Variants in GNAS observed in about 807,000 individuals in gnomAD.
GNAS encodes the protein protein ALEX.
In GNAS, 8 loss-of-function variants were observed where a neutral mutation model predicts 54.5. The observed-to-expected ratio is 0.15, with a 90% CI of 0.09 to 0.26. The LOEUF is 0.26. Among genes scored for constraint, GNAS ranks in the 10% least tolerant of loss-of-function variants. The pLI is 1.00. For missense variants in GNAS, 170 were observed against 529.8 expected, an observed-to-expected ratio of 0.32 and a Z score of 6.67; for synonymous variants, 204 against 191.4, an observed-to-expected ratio of 1.07 and a Z score of -0.54.
upstream of GNAS, among the ~76,000 whole-genome samples, chr20:58,887,334 T>A (rs1437339431): frequency 1.3e-5 from 2 of 152,194 alleles, no homozygotes; most frequent in Non-Finnish European, 1.5e-5. Flanking sequence ...CTCTTACAAG[T>A]CTTTAACAAT....
At chr20:58,892,757 G>C (rs1275045022) in intron 1 of GNAS, among the ~76,000 whole-genome samples, 1 of 151,780 alleles carries the variant, frequency 6.6e-6, no homozygotes, top group Admixed American at 6.6e-5. Flanking sequence ...GAGTTAGTAC[G>C]AGAAGTGCCC....
chr20:58,859,709 C>G (rs1354587312), intron 1 of GNAS, among the ~76,000 whole-genome samples: 1 of 151,804 alleles, frequency 6.6e-6, no homozygotes. Flanking sequence ...TCACTACAAC[C>G]TCTGCCTCCT....
intron 1 of GNAS, among the ~76,000 whole-genome samples, chr20:58,868,153 TG>T (rs2087179211): frequency 6.6e-6 from 1 of 152,024 alleles, no homozygotes; most frequent in African/African-American, 2.4e-5. Flanking sequence ...CCTGAGTAGC[TG>T]GTACTACAGG....
chr20:58,862,910 C>T (rs2086851926), intron 1 of GNAS, among the ~76,000 whole-genome samples: 1 of 149,850 alleles, frequency 6.7e-6, no homozygotes, highest in Non-Finnish European at 1.5e-5. Context: ...AACTCAATAC[C>T]GAGGCTGAGC....
rs60022134 is a variant in GNAS, at chr20:58,902,725, CTTTTTTTTTTTTTTT to C, written c.258-792_258-778del. Among the ~76,000 whole-genome samples the C allele has an allele frequency of 2.4e-4, 17 of 69,510 alleles. No individual in the cohort carries two copies. The South Asian group carries it at 0.011, about 44-fold the overall frequency. 45.6% of individuals were successfully genotyped at this position (69,510 alleles called of 152,430 possible). On this transcript the variant is annotated intron_variant, in intron 3 of 12. Transcript: ENST00000371085. The stretch of plus-strand genomic sequence containing the variant: ...AGTGCCTGGAGCATCGCACATACGA[CTTTTTTTTTTTTTTT>C]TTTTTTTTTTTTTGACAGAGTCTCA...
At position 58,900,043 on chromosome 20, in the gene GNAS, T is replaced by G; in HGVS notation, c.257+1058T>G. 4.4e-6 allele frequency: 3 copies of G among 681,862 alleles called. 1 individual carries two copies. In the South Asian group the frequency reaches 4.6e-5, roughly 10 times the overall value. 42.2% of individuals were successfully genotyped at this position (681,862 alleles called of 1,614,324 possible). ...CTGGAATTGCTCGGTCTTAGGAACT[T>G]CTAATAAGAATACTATTCTGTTATC... On this transcript the variant is annotated intron_variant, in intron 3 of 12. Transcript: ENST00000371085.
chr20:58,866,224 A>C (rs140126044), intron 1 of GNAS, among the ~76,000 whole-genome samples: 179 of 152,318 alleles, frequency 1.2e-3, no homozygotes, highest in Middle Eastern at 6.8e-3. Flanking sequence ...AGCCTACTGC[A>C]TGGAGGTGAC....
chr20:58,907,808 C>T (rs962998149), intron 6 of GNAS, among the ~76,000 whole-genome samples: 2 of 152,260 alleles, frequency 1.3e-5, no homozygotes, highest in African/African-American at 4.8e-5. Flanking sequence ...TCTGCCGTGG[C>T]CGGCACGTTT....
At chr20:58,892,218 T>A in intron 1 of GNAS, 1 of 966,980 alleles carries the variant, frequency 1.0e-6, no homozygotes, top group Non-Finnish European at 1.2e-6. Context: ...GGGTGCGTGT[T>A]GGGGAGGGGG....
At chr20:58,861,659 A>T (rs2086787847) in intron 1 of GNAS, among the ~76,000 whole-genome samples, 1 of 152,212 alleles carries the variant, frequency 6.6e-6, no homozygotes, top group South Asian at 2.1e-4. Flanking sequence ...AATTGGGGGA[A>T]AGAAGCCCCT....
chr20:58,840,441 A>C (rs2085673823), upstream of GNAS: 3 of 1,613,378 alleles, frequency 1.9e-6, no homozygotes, highest in African/African-American at 4.0e-5. The surrounding 1 kb of genome is among the most constrained non-coding windows in gnomAD (Gnocchi z 6.0). Flanking sequence ...TACGAGACCG[A>C]GAGCGAGACC....
At chr20:58,844,474 G>C (rs1023516942) in intron 1 of GNAS, among the ~76,000 whole-genome samples, 1 of 152,172 alleles carries the variant, frequency 6.6e-6, no homozygotes, top group Admixed American at 6.5e-5. Flanking sequence ...TGGAGCAGTG[G>C]GATCTAAGAC....
At chr20:58,862,073 T>C (rs140145316) in intron 1 of GNAS, among the ~76,000 whole-genome samples, 1 of 152,018 alleles carries the variant, frequency 6.6e-6, no homozygotes, top group East Asian at 1.9e-4. Context: ...AAATCTGGAG[T>C]CTTTTTTAAA....
At position 58,873,228 on chromosome 20, in the gene GNAS, T is replaced by C. The variant is rs900628790; in HGVS notation, c.44-22384T>C. 4.6e-5 allele frequency among the ~76,000 whole-genome samples: 7 copies of C among 152,148 alleles called. No homozygotes were observed. The highest frequency in any genetic ancestry group is 1.4e-4 in the African/African-American group (6 of 41,438). ...AAATATGTTTATAAAATGGGCCTTCTGTGACATTTTGGAATTGTCAGGGAG... is the reference window on the plus strand; with the variant it reads ...AAATATGTTTATAAAATGGGCCTTCCGTGACATTTTGGAATTGTCAGGGAG... On this transcript the variant is annotated intron_variant, in intron 1 of 12. Transcript: ENST00000306090. This position sits in a 1 kb window ranked among gnomAD's most constrained non-coding sequence, Gnocchi z 4.3.
rs560334164 is a variant in GNAS at position 58,859,681 on chromosome 20, C to T, written c.43+18795C>T. On this transcript the variant is annotated intron_variant, in intron 1 of 12. Transcript: ENST00000306090. ...TCGCTCTATCGCCCAGGCTGGAGTG[C>T]GATGGTGTGATTTTGGCTCACTACA... Among the ~76,000 whole-genome samples the T allele has an allele frequency of 4.0e-5, 6 of 149,554 alleles. No homozygotes were observed. The South Asian group carries it at 8.5e-4, about 21-fold the overall frequency.
chr20:58,860,130 C>T (rs1020412042), intron 1 of GNAS, among the ~76,000 whole-genome samples: 8 of 152,168 alleles, frequency 5.3e-5, no homozygotes, highest in Non-Finnish European at 1.0e-4. Flanking sequence ...TATAGCAAAA[C>T]GCACAGATCC....
upstream of GNAS, among the ~76,000 whole-genome samples, chr20:58,888,142 T>C (rs1312886247): frequency 6.6e-6 from 1 of 152,226 alleles, no homozygotes; most frequent in Non-Finnish European, 1.5e-5. Flanking sequence ...TTAAGTTTCA[T>C]GGGCTCTGTT....
intron 1 of GNAS, among the ~76,000 whole-genome samples, chr20:58,885,723 C>G (rs2088548011): frequency 6.6e-6 from 1 of 152,168 alleles, no homozygotes; most frequent in Non-Finnish European, 1.5e-5. Context: ...CTAGGAAATG[C>G]TTTTTACAAT....
intron 1 of GNAS, among the ~76,000 whole-genome samples, chr20:58,864,958 AAC>A (rs1315209347): frequency 7.4e-6 from 1 of 135,564 alleles, no homozygotes; most frequent in African/African-American, 2.7e-5. Context: ...CACACACACA[AAC>A]ACACACGCAC....
Sources: gnomAD v4.1 joint callset for allele counts (sites outside exome capture counted in the v4.1 genomes callset) on GRCh38, gnomAD v4.1.1 for gene constraint, Gnocchi (gnomAD v3.1) non-coding constraint, MANE v1.5 for transcripts, NCBI Gene and HGNC (gene_info 2026-07-23, HGNC 2026-07-21) for gene names.